The following HK3 variants were observed in gnomAD, a reference collection of about 807,000 sequenced individuals.
HK3 encodes the protein hexokinase-3.
HK3 carries 93 observed loss-of-function variants against 91.0 expected under a neutral mutation model. The observed-to-expected ratio is 1.02, with a 90% CI of 0.86 to 1.21. HK3 has a LOEUF of 1.21. Among genes scored for constraint, HK3 ranks in the 50% most tolerant of loss-of-function variants. HK3 has a pLI of 0.00. For missense variants in HK3, 1,235 were observed against 1,247.4 expected (o/e 0.99, Z 0.15); for synonymous variants, 519 against 516.9 (o/e 1.00, Z -0.06).
At chr5:176,895,990 C>T (rs1758900847) in intron 2 of HK3, 74 bp downstream of exon 2, 2 of 1,244,120 alleles carry the variant, frequency 1.6e-6, no homozygotes, top group African/African-American at 1.5e-5. Context: ...GCCCAGGGCC[C>T]CATGGCAGCT....
At chr5:176,894,084 T>C (rs1758846669) in intron 2 of HK3, among the ~76,000 whole-genome samples, 1 of 152,066 alleles carries the variant, frequency 6.6e-6, no homozygotes, top group Non-Finnish European at 1.5e-5. Context: ...AAACCTGAAG[T>C]GGAGGAACAG....
intron 1 of HK3, among the ~76,000 whole-genome samples, chr5:176,896,618 A>C (rs1020537639): frequency 6.6e-6 from 1 of 152,182 alleles, no homozygotes; most frequent in Non-Finnish European, 1.5e-5. Context: ...GAGGTCAGGG[A>C]CATGCTAGAG....
rs141764714 is a variant in HK3 at position 176,881,852 on chromosome 5, A to G, written c.2238-5T>C. On this transcript the variant is annotated splice_region_variant and splice_polypyrimidine_tract_variant and intron_variant, in intron 16 of 18. Coordinates refer to ENST00000292432, the MANE Select transcript of HK3 (RefSeq NM_002115.3). ...CCGCTGATCATCTTTTCAAACCTGC[A>G]TGAACATGTGTGCACTCGGCAGAAG... 842 of 1,609,984 alleles carry G rather than the reference A, an allele frequency of 5.2e-4. 6 individuals are homozygous for G. In the South Asian group the frequency reaches 6.2e-3, roughly 12 times the overall value.
intron 2 of HK3, among the ~76,000 whole-genome samples, chr5:176,893,234 C>T (rs1758822497): frequency 6.6e-6 from 1 of 152,088 alleles, no homozygotes; most frequent in African/African-American, 2.4e-5. Flanking sequence ...GAACCCATAT[C>T]TACCTGAATG....
Position 176,880,905 on chromosome 5 carries a change from T to A in HK3, c.*168A>T. 3.2e-6 allele frequency: 2 copies of A among 622,332 alleles called. No individual in the cohort carries two copies. Among genetic ancestry groups the A allele is most frequent in the Admixed American group, 3.4e-5 (1 of 29,070 alleles). The allele number at this position is 622,332 out of a possible 1,614,324, so 38.6% of individuals were successfully genotyped here. A position where few individuals can be genotyped will look rare whatever the true frequency, so the allele number is the denominator to read the frequency against. ...TATATATATATATTGCTAACCTGAG[T>A]GCTACTTCTCTCAGGGAAAGCCAGG... On this transcript the variant is annotated 3_prime_UTR_variant, in exon 19 of 19. Transcript: ENST00000292432.
chr5:176,892,079 A>C (rs992346160), intron 2 of HK3, among the ~76,000 whole-genome samples: 1 of 152,090 alleles, frequency 6.6e-6, no homozygotes, highest in South Asian at 2.1e-4. Context: ...CCTTCCCAAA[A>C]CATTGCTCCA....
At chr5:176,893,199 G>A (rs2149377665) in intron 2 of HK3, among the ~76,000 whole-genome samples, 1 of 152,242 alleles carries the variant, frequency 6.6e-6, no homozygotes, top group Non-Finnish European at 1.5e-5. Context: ...GGGCCAAGCA[G>A]CTGTGAAGGG....
In HK3 at chr5:176,889,555, G is replaced by A. The variant is rs781049004; in HGVS notation, c.740C>T (p.Thr247Ile). The change falls in exon 8 of 19, where the codon ACC becomes ATC. Residue 247 changes from threonine to isoleucine, a missense_variant. Physicochemically the swap from Thr to Ile is moderately conservative, Grantham distance 89. Around this residue, in one of 3 missense-constraint regions of HK3, gnomAD observed 717 missense variants for 751.6 expected, o/e 0.95. Coordinates refer to ENST00000292432, the MANE Select transcript of HK3 (RefSeq NM_002115.3). ...CEVGLVVDTG[T>I]NACYMEEARH... Reference sequence around the variant, plus strand: ...TGCCTCCTCCATGTAACACGCGTTGGTGCCCGTGTCTGGCAGAGACAACCC... The same window carrying A: ...TGCCTCCTCCATGTAACACGCGTTGATGCCCGTGTCTGGCAGAGACAACCC... 1.2e-6 allele frequency: 2 copies of A among 1,614,158 alleles called. No homozygotes were observed. Among genetic ancestry groups the A allele is most frequent in the Non-Finnish European group, 1.7e-6 (2 of 1,179,978 alleles).
intron 9 of HK3, 38 bp downstream of exon 9, chr5:176,888,671 C>T: frequency 6.2e-7 from 1 of 1,613,878 alleles, no homozygotes. Context: ...TCCTCCAAGC[C>T]AAGAATCCCC....
rs1340661818 is a variant in HK3 at position 176,888,361 on chromosome 5, G to T, written c.1275C>A (p.Thr425=). Residue 425 remains threonine, a synonymous_variant, in exon 10 of 19, where the codon ACC becomes ACA. Transcript: ENST00000292432. ...EQQTLQVAVA[T]GGRVCERHPR... ...GGTGCCGCTCACACACTCGGCCTCC[G>T]GTGGCCACAGCAACCTGGAGTGTTT... The T allele has an allele frequency of 6.4e-7, 1 of 1,560,044 alleles. No individual in the cohort carries two copies. Among genetic ancestry groups the T allele is most frequent in the Non-Finnish European group, 8.7e-7 (1 of 1,151,464 alleles).
chr5:176,892,405 C>T (rs1028997935), intron 2 of HK3, among the ~76,000 whole-genome samples: 5 of 152,102 alleles, frequency 3.3e-5, no homozygotes, highest in Middle Eastern at 3.4e-3. Flanking sequence ...AAGACTGATC[C>T]GGGAGTGGAT....
Position 176,888,827 on chromosome 5 carries a change from G to C in HK3, c.952C>G (p.Leu318Val), listed in dbSNP as rs1758677293. 3 of 1,614,084 alleles carry C rather than the reference G, an allele frequency of 1.9e-6. No homozygotes were observed. The highest frequency in any genetic ancestry group is 1.3e-5 in the African/African-American group (1 of 74,930). The change falls in exon 9 of 19, where the codon CTG becomes GTG. Residue 318 changes from leucine (L) to valine (V), a missense_variant. By Grantham distance (32) the Leu-to-Val change is conservative. Around this residue, in one of 3 missense-constraint regions of HK3, gnomAD observed 717 missense variants for 751.6 expected, o/e 0.95. Transcript: ENST00000292432. Reference protein sequence around the residue: ...KMIGGLYLGELVRLVLAHLAR... With the variant: ...KMIGGLYLGEVVRLVLAHLAR... ...AAGTGAGCCAGCACCAGCCGCACCA[G>C]CTCACCCAGGTACAGGCCTCCGATC...
In HK3 at chr5:176,881,944, C is replaced by T. The variant is rs141851478; in HGVS notation, c.2237G>A (p.Arg746Lys). ...DQASINPGKQ[R>K]FEKMISGMYL... is the part of the protein sequence containing the mutation. ...ACCACTGCCTGGGCCCAGCCCACACCTCTGCTTGCCGGGGTTGATGGACGC... is the reference window on the plus strand; with the variant it reads ...ACCACTGCCTGGGCCCAGCCCACACTTCTGCTTGCCGGGGTTGATGGACGC... The change falls in exon 16 of 19, where the codon AGG (arginine) becomes AAG (lysine). Residue 746 changes from arginine (R) to lysine (K), a missense_variant and splice_region_variant. By Grantham distance (26) the Arg-to-Lys change is conservative. Around this residue, in one of 3 missense-constraint regions of HK3, gnomAD observed 513 missense variants for 477.4 expected, o/e 1.07. Transcript: ENST00000292432. The T allele has an allele frequency of 4.7e-5, 76 of 1,613,492 alleles. No homozygotes were observed. Among genetic ancestry groups the T allele is most frequent in the Non-Finnish European group, 6.1e-5 (72 of 1,179,914 alleles).
chr5:176,889,424 C>T lies in HK3; in HGVS notation c.871G>A (p.Asp291Asn), dbSNP rs61740251. The change falls in exon 8 of 19, where the codon GAC (aspartate) becomes AAC (asparagine). Residue 291 changes from aspartate to asparagine, a missense_variant. Asp to Asn is a conservative substitution (Grantham distance 23). This residue lies in a region of HK3 where 717 missense variants were observed against 751.6 expected (regional missense o/e 0.95). Coordinates refer to ENST00000292432, the MANE Select transcript of HK3 (RefSeq NM_002115.3). ...GALGPVLTTFDHTLDHESLNP... is the reference protein window; with the variant it reads ...GALGPVLTTFNHTLDHESLNP... ...AGGGACTCATGGTCCAGGGTATGGTCGAAGGTGGTCAGCACTGGTCCCAGC... is the reference window on the plus strand; with the variant it reads ...AGGGACTCATGGTCCAGGGTATGGTTGAAGGTGGTCAGCACTGGTCCCAGC... The T allele has an allele frequency of 2.9e-5, 47 of 1,614,066 alleles. No individual in the cohort carries two copies. The highest frequency in any genetic ancestry group is 4.4e-5 in the South Asian group (4 of 91,088).
At chr5:176,891,013 A>G (rs934250386) in intron 4 of HK3, 24 bp downstream of exon 4, 1 of 1,613,868 alleles carries the variant, frequency 6.2e-7, no homozygotes. Flanking sequence ...CCCAGACCCC[A>G]GAGGCTGGGC....
Position 176,887,418 on chromosome 5 carries a change from T to A in HK3, c.1600+33A>T. The A allele has an allele frequency of 1.2e-6, 2 of 1,612,612 alleles. No individual in the cohort carries two copies. Among genetic ancestry groups the A allele is most frequent in the Non-Finnish European group, 1.7e-6 (2 of 1,179,244 alleles). ...ACACACTGGGACCCCCAGGAGCCCA[T>A]GTTTCGGTCCCACACTCAGGCCAGG... On this transcript the variant is annotated intron_variant, in intron 11 of 18. Coordinates refer to ENST00000292432, the MANE Select transcript of HK3 (RefSeq NM_002115.3). This position sits in a 1 kb window ranked among gnomAD's most constrained non-coding sequence, Gnocchi z 4.9.
intron 1 of HK3, among the ~76,000 whole-genome samples, chr5:176,896,968 A>G (rs1758923268): frequency 6.8e-6 from 1 of 147,060 alleles, no homozygotes; most frequent in Non-Finnish European, 1.5e-5. Context: ...CAGTGAAGTG[A>G]TGCAGAGCAG....
intron 2 of HK3, among the ~76,000 whole-genome samples, chr5:176,893,030 C>T (rs569205406): frequency 1.3e-5 from 2 of 152,330 alleles, no homozygotes; most frequent in Admixed American, 6.5e-5. Flanking sequence ...GCTGCAGACC[C>T]TGTTTGCTCA....
chr5:176,883,955 G>GTA, intron 14 of HK3, 84 bp downstream of exon 14: 1 of 1,581,558 alleles, frequency 6.3e-7, no homozygotes, highest in South Asian at 1.1e-5. Flanking sequence ...TACCGCAGAG[G>GTA]GCTCCCCCCT....
Sources: allele counts gnomAD v4.1 joint callset (sites outside exome capture counted in the v4.1 genomes callset), GRCh38; gene constraint gnomAD v4.1.1; regional missense constraint gnomAD v4.1.1; non-coding constraint Gnocchi (gnomAD v3.1); transcripts MANE v1.5; gene names NCBI Gene and HGNC (gene_info 2026-07-23, HGNC 2026-07-21).